Variants in NT5DC1 observed in about 807,000 individuals in gnomAD.
NT5DC1 encodes 5'-nucleotidase domain containing 1.
In NT5DC1, 42 loss-of-function variants were observed where a neutral mutation model predicts 59.4. The observed-to-expected ratio is 0.71, with a 90% CI of 0.55 to 0.92. The LOEUF (loss-of-function observed/expected upper bound fraction) is 0.92. NT5DC1 is among the 40% of genes least tolerant of loss of function. NT5DC1 has a pLI of 0.00. For synonymous variants in NT5DC1, 172 were observed against 188.1 expected (o/e 0.91, Z 0.70); for missense variants, 501 against 537.1 (o/e 0.93, Z 0.66).
At chr6:116,149,481 A>G (rs993732352) in intron 6 of NT5DC1, among the ~76,000 whole-genome samples, 2 of 152,206 alleles carry the variant, frequency 1.3e-5, no homozygotes, top group Non-Finnish European at 2.9e-5. Flanking sequence ...TTCAAAGGCT[A>G]CTTTAGTAGG....
intron 6 of NT5DC1, among the ~76,000 whole-genome samples, chr6:116,123,543 T>C (rs1401206704): frequency 6.6e-6 from 1 of 152,268 alleles, no homozygotes; most frequent in Non-Finnish European, 1.5e-5. Flanking sequence ...CTCTGCAGCA[T>C]AATTTAGTAT....
intron 9 of NT5DC1, among the ~76,000 whole-genome samples, 185 bp downstream of exon 9, chr6:116,237,269 G>A (rs1400515582): frequency 6.6e-6 from 1 of 152,174 alleles, no homozygotes; most frequent in African/African-American, 2.4e-5. Flanking sequence ...TTTAGGGGGT[G>A]TATGAGTGTG....
Position 116,236,956 on chromosome 6 carries a change from G to A in NT5DC1, c.803-10G>A. ...TTAAAAAGTATATGATTGTCAAACT[G>A]TATTTTCAGAGAATGATGAGGAGCA... is the stretch of plus-strand genomic sequence containing the variant. On this transcript the variant is annotated splice_polypyrimidine_tract_variant and intron_variant, in intron 8 of 11. Transcript: ENST00000319550. The A allele has an allele frequency of 6.5e-7, 1 of 1,536,844 alleles. No individual in the cohort carries two copies. Among genetic ancestry groups the A allele is most frequent in the Non-Finnish European group, 9.0e-7 (1 of 1,110,282 alleles).
intron 6 of NT5DC1, among the ~76,000 whole-genome samples, chr6:116,200,572 G>C (rs562901945): frequency 6.6e-6 from 1 of 152,020 alleles, no homozygotes; most frequent in South Asian, 2.1e-4. Flanking sequence ...AAAAAGCATA[G>C]CTAAATAAAG....
chr6:116,199,029 A>AT, intron 6 of NT5DC1, among the ~76,000 whole-genome samples: 1 of 152,120 alleles, frequency 6.6e-6, no homozygotes, highest in Middle Eastern at 3.4e-3. Context: ...GCATTATATA[A>AT]TGTTTAGCAA....
intron 5 of NT5DC1, among the ~76,000 whole-genome samples, chr6:116,117,053 T>C (rs1778978038): frequency 6.6e-6 from 1 of 152,202 alleles, no homozygotes; most frequent in African/African-American, 2.4e-5. Flanking sequence ...GACTTGCAGC[T>C]CTTTCATATC....
intron 6 of NT5DC1, among the ~76,000 whole-genome samples, chr6:116,167,592 A>G (rs1260703609): frequency 6.6e-6 from 1 of 152,198 alleles, no homozygotes; most frequent in African/African-American, 2.4e-5. Flanking sequence ...TAAAATTGCA[A>G]TATTTTATAA....
chr6:116,223,616 T>C (rs914230368), intron 8 of NT5DC1, among the ~76,000 whole-genome samples: 1 of 152,052 alleles, frequency 6.6e-6, no homozygotes, highest in Non-Finnish European at 1.5e-5. Context: ...GATAGTAGAG[T>C]GAGGTACTCA....
In NT5DC1 at chr6:116,190,684, G is replaced by A. The variant is rs760593151; in HGVS notation, c.530-30370G>A. ...ATAAAATCAAACAGGAAAGACTTCA[G>A]ACCTGCAAAGCTGCCAAAAATGTAG... On this transcript the variant is annotated intron_variant, in intron 6 of 11. Transcript: ENST00000319550. 2.4e-4 allele frequency among the ~76,000 whole-genome samples: 36 copies of A among 152,036 alleles called. 1 individual carries two copies. Among genetic ancestry groups the A allele is most frequent in the Non-Finnish European group, 1.2e-4 (8 of 67,972 alleles).
chr6:116,233,326 G>A (rs1371752514), intron 8 of NT5DC1, among the ~76,000 whole-genome samples: 1 of 152,146 alleles, frequency 6.6e-6, no homozygotes, highest in Non-Finnish European at 1.5e-5. Context: ...AGTTCAAAGG[G>A]CATTCTAAAG....
chr6:116,229,470 G>A (rs748650115), intron 8 of NT5DC1, among the ~76,000 whole-genome samples: 5 of 152,176 alleles, frequency 3.3e-5, no homozygotes, highest in Non-Finnish European at 7.3e-5. Flanking sequence ...GGTAACAGGG[G>A]CAAAGATGCT....
At chr6:116,114,748 A>G (rs1778934908) in intron 4 of NT5DC1, among the ~76,000 whole-genome samples, 1 of 152,106 alleles carries the variant, frequency 6.6e-6, no homozygotes, top group South Asian at 2.1e-4. Context: ...TAAGACATGG[A>G]AGGAACAATG....
chr6:116,152,954 AT>A (rs1780086167), intron 6 of NT5DC1, among the ~76,000 whole-genome samples: 1 of 152,154 alleles, frequency 6.6e-6, no homozygotes, highest in South Asian at 2.1e-4. Context: ...CTGCTGTCTT[AT>A]TTTTATAGTA....
At chr6:116,126,232 A>T (rs995642974) in intron 6 of NT5DC1, 1 of 152,176 alleles carries the variant, frequency 6.6e-6, no homozygotes, top group African/African-American at 2.4e-5. Flanking sequence ...GTAAGCACTA[A>T]TTATGGTGGA....
In NT5DC1 at chr6:116,163,137, A is replaced by ATACAT. The variant is rs1554197055; in HGVS notation, c.529+45192_529+45193insTACAT. On this transcript the variant is annotated intron_variant, in intron 6 of 11. Transcript: ENST00000319550. ...GCGAGACTCCGTCTCAAAAAAAAAA[A>ATACAT]AAAAATATATATATATATATATATA... Among the ~76,000 whole-genome samples, 194 of 105,384 alleles carry ATACAT rather than the reference A, an allele frequency of 1.8e-3. 7 individuals carry two copies. The highest frequency in any genetic ancestry group is 0.018 in the East Asian group (68 of 3,710). 69.1% of individuals were successfully genotyped at this position (105,384 alleles called of 152,430 possible). A position where few individuals can be genotyped will look rare whatever the true frequency, so the allele number is the denominator to read the frequency against.
chr6:116,152,865 C>T (rs1340967346), intron 6 of NT5DC1, among the ~76,000 whole-genome samples: 1 of 152,106 alleles, frequency 6.6e-6, no homozygotes, highest in East Asian at 1.9e-4. Context: ...TATATTGCCT[C>T]TGAGTTCTTG....
At position 116,241,141 on chromosome 6, in the gene NT5DC1, C is replaced by CAAA. The variant is rs532456933; in HGVS notation, c.1252+2034_1252+2036dup. 1.4e-3 allele frequency among the ~76,000 whole-genome samples: 88 copies of CAAA among 64,320 alleles called. 1 individual carries two copies. Among genetic ancestry groups the CAAA allele is most frequent in the African/African-American group, 4.1e-3 (83 of 20,374 alleles). The allele number at this position is 64,320 out of a possible 152,430, so 42.2% of individuals were successfully genotyped here. A position where few individuals can be genotyped will look rare whatever the true frequency, so the allele number is the denominator to read the frequency against. ...CCTGGGTAACAGAGCAAGACTGTCT[C>CAAA]AAAAAAAAAAAAAAAAAAGTAAAAT... is the stretch of plus-strand genomic sequence containing the variant. On this transcript the variant is annotated intron_variant, in intron 11 of 11. Transcript: ENST00000319550.
chr6:116,101,160 C>A, intron 1 of NT5DC1, 137 bp downstream of exon 1: 1 of 626,394 alleles, frequency 1.6e-6, no homozygotes, highest in South Asian at 2.1e-5. Flanking sequence ...GCGCGGCCTC[C>A]AGCGGCGAGA....
chr6:116,237,193 G>A (rs1425173071), intron 9 of NT5DC1, 109 bp downstream of exon 9: 6 of 693,678 alleles, frequency 8.6e-6, no homozygotes, highest in Non-Finnish European at 1.6e-5. Context: ...CCTTTCCTTT[G>A]TCAATGTAGA....
Sources: allele counts gnomAD v4.1 joint callset (sites outside exome capture counted in the v4.1 genomes callset), GRCh38; gene constraint gnomAD v4.1.1; transcripts MANE v1.5; gene names NCBI Gene and HGNC (gene_info 2026-07-23, HGNC 2026-07-21).